CIMAP3: variants seen among roughly 807,000 people sequenced by gnomAD.
The protein encoded by CIMAP3 is ciliary microtubule associated protein 3, also known as ciliary microtubule-associated protein 3.
the CIMAP3 span, among the ~76,000 whole-genome samples, chr1:111,333,208 G>A: frequency 1.3e-5 from 2 of 152,218 alleles, no homozygotes; most frequent in Non-Finnish European, 2.9e-5. Flanking sequence ...GGCTGGGGGT[G>A]AAAGCAGTGG....
chr1:111,335,639 G>A, the CIMAP3 span, among the ~76,000 whole-genome samples: 1 of 152,258 alleles, frequency 6.6e-6, no homozygotes, highest in South Asian at 2.1e-4. Context: ...GGGCAGCGAG[G>A]CTGGGGGAGG....
At chr1:111,350,139 G>A in the CIMAP3 span, 21 of 1,613,828 alleles carry the variant, frequency 1.3e-5, no homozygotes, top group African/African-American at 8.0e-5. Context: ...AGAAGCCACC[G>A]CCAAAAATTG....
chr1:111,348,732 G>C, the CIMAP3 span: 6 of 1,320,174 alleles, frequency 4.5e-6, no homozygotes, highest in Non-Finnish European at 6.1e-6. Context: ...CATAAAGAAG[G>C]GATGACATCC....
chr1:111,325,770 T>G, the CIMAP3 span, among the ~76,000 whole-genome samples: 1 of 152,196 alleles, frequency 6.6e-6, no homozygotes, highest in African/African-American at 2.4e-5. Flanking sequence ...CACCATATGT[T>G]GTATAATGAA....
At chr1:111,338,799 T>C in the CIMAP3 span, among the ~76,000 whole-genome samples, 1 of 152,062 alleles carries the variant, frequency 6.6e-6, no homozygotes, top group East Asian at 1.9e-4. Flanking sequence ...GTACCATTCC[T>C]TCTGAAACTA....
At chr1:111,343,484 T>G in the CIMAP3 span, among the ~76,000 whole-genome samples, 1 of 152,234 alleles carries the variant, frequency 6.6e-6, no homozygotes, top group African/African-American at 2.4e-5. Context: ...ACTGAATTCT[T>G]AAGGTCTTCA....
the CIMAP3 span, among the ~76,000 whole-genome samples, chr1:111,329,322 TTG>T: frequency 6.6e-6 from 1 of 152,026 alleles, no homozygotes; most frequent in South Asian, 2.1e-4. Context: ...TGATTGTGTC[TTG>T]GGGATGATCT....
the CIMAP3 span, chr1:111,346,636 A>T: frequency 6.2e-7 from 1 of 1,614,162 alleles, no homozygotes; most frequent in Non-Finnish European, 8.5e-7. Context: ...CACAAGTGCT[A>T]GCCCTAGCAG....
At chr1:111,351,471 G>C in the CIMAP3 span, 7 of 612,436 alleles carry the variant, frequency 1.1e-5, no homozygotes, top group Non-Finnish European at 1.9e-5. Flanking sequence ...TATAGCTGCT[G>C]TATGAGAACA....
At chr1:111,345,311 C>T in the CIMAP3 span, among the ~76,000 whole-genome samples, 3 of 152,140 alleles carry the variant, frequency 2.0e-5, no homozygotes, top group Non-Finnish European at 4.4e-5. Context: ...CTTGGCTCCT[C>T]ATAACAACCT....
At chr1:111,326,678 T>C in the CIMAP3 span, among the ~76,000 whole-genome samples, 1 of 152,144 alleles carries the variant, frequency 6.6e-6, no homozygotes, top group Non-Finnish European at 1.5e-5. Flanking sequence ...CTGTTTTCCA[T>C]AGTAGTTATA....
the CIMAP3 span, chr1:111,351,134 T>C: frequency 1.2e-6 from 1 of 804,558 alleles, no homozygotes; most frequent in Non-Finnish European, 2.0e-6. Context: ...GCTAGATTAC[T>C]ATGGAGTTGG....
At chr1:111,327,746 T>C in the CIMAP3 span, among the ~76,000 whole-genome samples, 1 of 152,022 alleles carries the variant, frequency 6.6e-6, no homozygotes, top group Non-Finnish European at 1.5e-5. Flanking sequence ...ATCCTCCCTC[T>C]TTTCTTCTCT....
chr1:111,326,238 A>T, the CIMAP3 span, among the ~76,000 whole-genome samples: 80 of 152,264 alleles, frequency 5.3e-4, no homozygotes, highest in Admixed American at 1.5e-3. Context: ...TGAATGACAG[A>T]ACTTACACCT....
the CIMAP3 span, chr1:111,348,710 A>G: frequency 3.4e-6 from 5 of 1,450,596 alleles, no homozygotes; most frequent in African/African-American, 7.1e-5. Flanking sequence ...GAAGTACGTA[A>G]TAAAAGAAGC....
At chr1:111,351,310 A>T in the CIMAP3 span, 1 of 1,582,026 alleles carries the variant, frequency 6.3e-7, no homozygotes, top group South Asian at 1.2e-5. Context: ...GGCCTACCTA[A>T]GCCTGTATTA....
the CIMAP3 span, among the ~76,000 whole-genome samples, chr1:111,338,362 G>A: frequency 2.0e-5 from 3 of 151,678 alleles, no homozygotes; most frequent in East Asian, 5.8e-4. Flanking sequence ...AGAACTGAAG[G>A]AAATAGAGAC....
chr1:111,339,743 G>A, the CIMAP3 span, among the ~76,000 whole-genome samples: 5 of 151,840 alleles, frequency 3.3e-5, no homozygotes, highest in Non-Finnish European at 7.4e-5. Context: ...ATGCTCATGG[G>A]TAGGAAGAAT....
the CIMAP3 span, among the ~76,000 whole-genome samples, chr1:111,338,739 G>A: frequency 6.6e-6 from 1 of 151,934 alleles, no homozygotes; most frequent in Non-Finnish European, 1.5e-5. Flanking sequence ...AAGAGTCCAG[G>A]ACCAGATGGA....
Sources: allele counts gnomAD v4.1 joint callset (sites outside exome capture counted in the v4.1 genomes callset), GRCh38; gene constraint gnomAD v4.1.1; transcripts MANE v1.5; gene names NCBI Gene and HGNC (gene_info 2026-07-23, HGNC 2026-07-21).